Variants in CAMKK1 observed in about 807,000 individuals in gnomAD.
CAMKK1 encodes calcium/calmodulin-dependent protein kinase kinase 1.
Under a neutral mutation model 63.5 loss-of-function variants are expected in CAMKK1, and 20 were observed. That is an observed-to-expected ratio of 0.32 (90% CI 0.22 to 0.46). The LOEUF is 0.46. Among genes scored for constraint, CAMKK1 ranks in the 20% least tolerant of loss-of-function variants. The pLI, the probability that CAMKK1 is intolerant of heterozygous loss-of-function variation, is 1.00. For missense variants in CAMKK1, 588 were observed against 658.1 expected (o/e 0.89, Z 1.17); for synonymous variants, 253 against 269.0 (o/e 0.94, Z 0.58).
At chr17:3,869,684 C>T (rs2054753373) in intron 13 of CAMKK1, 69 bp from the exon 14 acceptor site, 2 of 1,609,918 alleles carry the variant, frequency 1.2e-6, no homozygotes, top group Admixed American at 3.3e-5. Context: ...TGGAGGGGTC[C>T]AAAGTCCACA....
chr17:3,867,310 C>T (rs1011733512), intron 14 of CAMKK1, among the ~76,000 whole-genome samples: 9 of 152,158 alleles, frequency 5.9e-5, no homozygotes, highest in Non-Finnish European at 1.3e-4. Context: ...GCAGCCCCTT[C>T]CATGGCACGT....
chr17:3,872,694 C>G, intron 11 of CAMKK1, 67 bp from the exon 12 acceptor site: 2 of 1,416,690 alleles, frequency 1.4e-6, no homozygotes, highest in Non-Finnish European at 2.0e-6. Context: ...GGGATCAACC[C>G]CCCTCCCTTG....
Position 3,873,416 on chromosome 17 carries a change from T to C in CAMKK1, c.1043A>G (p.Tyr348Cys), listed in dbSNP as rs763702440. The C allele has an allele frequency of 4.3e-6, 7 of 1,613,912 alleles. No individual in the cohort carries two copies. Among genetic ancestry groups the C allele is most frequent in the South Asian group, 2.2e-5 (2 of 91,078 alleles). Residue 348 changes from tyrosine to cysteine, a missense_variant, in exon 11 of 16, where the codon TAT becomes TGT. Transcript: ENST00000348335. ...GGCATCCCTGGCACTCACCTTCCCA[T>C]AGACAAAGCAGTACAACGTGACGCC... ...ATGVTLYCFV[Y>C]GKCPFIDDFI... is the part of the protein sequence containing the mutation.
At chr17:3,863,957 T>TC (rs2054413380) in intron 15 of CAMKK1, among the ~76,000 whole-genome samples, 1 of 151,558 alleles carries the variant, frequency 6.6e-6, no homozygotes, top group African/African-American at 2.4e-5. Flanking sequence ...TACTTTTTTT[T>TC]CTTTTTTTTT....
rs748858266 is a variant in CAMKK1, at chr17:3,880,365, G to T, written c.777C>A (p.Val259=). 6.2e-7 allele frequency: 1 copy of T among 1,614,032 alleles called. No homozygotes were observed. Among genetic ancestry groups the T allele is most frequent in the South Asian group, 1.1e-5 (1 of 91,066 alleles). ...ACTCACAGTACTCGAGGCCCAGGAT[G>T]ACGTCCCGCAGGTAGAGGCGAGCTT... ...EEQARLYLRD[V]ILGLEYLHCQ... The change falls in exon 9 of 16, where the codon GTC becomes GTA. Residue 259 remains valine (V), a synonymous_variant. Coordinates refer to ENST00000348335, the MANE Select transcript of CAMKK1 (RefSeq NM_032294.3).
Position 3,882,678 on chromosome 17 carries a change from A to C in CAMKK1, c.649-114T>G. ...CCCTTAGTATGCATGCAACCACCCC[A>C]GACAAGGAAGCAGGAAGTGTACAGG... On this transcript the variant is annotated intron_variant, in intron 6 of 15. Coordinates refer to ENST00000348335, the MANE Select transcript of CAMKK1 (RefSeq NM_032294.3). This position sits in a 1 kb window ranked among gnomAD's most constrained non-coding sequence, Gnocchi z 4.3. 7.0e-6 allele frequency: 7 copies of C among 1,000,550 alleles called. No individual in the cohort carries two copies. Among genetic ancestry groups the C allele is most frequent in the Non-Finnish European group, 1.1e-5 (7 of 655,052 alleles). 62.0% of individuals were successfully genotyped at this position (1,000,550 alleles called of 1,614,324 possible). A position where few individuals can be genotyped will look rare whatever the true frequency, so the allele number is the denominator to read the frequency against.
At chr17:3,870,848 A>C (rs1023050780) in intron 12 of CAMKK1, among the ~76,000 whole-genome samples, 2 of 151,986 alleles carry the variant, frequency 1.3e-5, no homozygotes, top group African/African-American at 4.8e-5. Flanking sequence ...GCAGGAAGAG[A>C]GGCACCAGGG....
chr17:3,877,139 T>C (rs542512671), intron 9 of CAMKK1, among the ~76,000 whole-genome samples: 69 of 152,154 alleles, frequency 4.5e-4, no homozygotes, highest in African/African-American at 1.6e-3. Flanking sequence ...AAAACCTTTC[T>C]CCAGTTCCAT....
Position 3,883,798 on chromosome 17 carries a change from C to A in CAMKK1, c.462+86G>T. 7.2e-7 allele frequency: 1 copy of A among 1,382,964 alleles called. No homozygotes were observed. Among genetic ancestry groups the A allele is most frequent in the South Asian group, 1.2e-5 (1 of 86,258 alleles). 85.7% of individuals were successfully genotyped at this position (1,382,964 alleles called of 1,614,324 possible). On this transcript the variant is annotated intron_variant, in intron 4 of 15. Transcript: ENST00000348335. This position sits in a 1 kb window ranked among gnomAD's most constrained non-coding sequence, Gnocchi z 4.7. ...GCTCACTCTCAGGCAGCCCTGTCCTCTATCTCCTAAGCACAACTCCTGCCC... is the reference window on the plus strand; with the variant it reads ...GCTCACTCTCAGGCAGCCCTGTCCTATATCTCCTAAGCACAACTCCTGCCC...
chr17:3,876,112 C>T (rs1312184627), intron 10 of CAMKK1, 111 bp downstream of exon 10: 2 of 1,018,264 alleles, frequency 2.0e-6, no homozygotes, highest in African/African-American at 1.6e-5. Context: ...GCAAATATGT[C>T]ACTCCCTAGA....
rs1442537370 is a variant in CAMKK1 at position 3,892,019 on chromosome 17, G to A, written c.-44+920C>T. ...GACGCAGTGGGGGGTCAATTTGTAT[G>A]TACTGGAGGAAAGAGGGCAGGGCTT... is the stretch of plus-strand genomic sequence containing the variant. On this transcript the variant is annotated intron_variant, in intron 1 of 15. Coordinates refer to ENST00000348335, the MANE Select transcript of CAMKK1 (RefSeq NM_032294.3). The surrounding 1 kb of genome is among the most constrained non-coding windows in gnomAD (Gnocchi z 7.5). 6.6e-6 allele frequency among the ~76,000 whole-genome samples: 1 copy of A among 152,112 alleles called. No homozygotes were observed. Among genetic ancestry groups the A allele is most frequent in the East Asian group, 1.9e-4 (1 of 5,178 alleles).
Position 3,883,737 on chromosome 17 carries a change from G to C in CAMKK1, c.462+147C>G. ...TCTGCTTGCATATCCCCAGGGTTAG[G>C]AAGCTCATTCCTTTGCATACCCCTA... is the stretch of plus-strand genomic sequence containing the variant. On this transcript the variant is annotated intron_variant, in intron 4 of 15. Transcript: ENST00000348335. This position sits in a 1 kb window ranked among gnomAD's most constrained non-coding sequence, Gnocchi z 4.7. 1.3e-6 allele frequency: 1 copy of C among 782,326 alleles called. No homozygotes were observed. Among genetic ancestry groups the C allele is most frequent in the Non-Finnish European group, 2.2e-6 (1 of 460,972 alleles). The allele number at this position is 782,326 out of a possible 1,614,324, so 48.5% of individuals were successfully genotyped here. A position where few individuals can be genotyped will look rare whatever the true frequency, so the allele number is the denominator to read the frequency against.
chr17:3,889,291 G>A lies in CAMKK1; in HGVS notation c.-43-3561C>T, dbSNP rs1226315494. On this transcript the variant is annotated intron_variant, in intron 1 of 15. Coordinates refer to ENST00000348335, the MANE Select transcript of CAMKK1 (RefSeq NM_032294.3). The surrounding 1 kb of genome is among the most constrained non-coding windows in gnomAD (Gnocchi z 5.2). ...GAAACTTAATTCGGTGGATAACTAG[G>A]GCCATGTGGGCAAACAGAAAGATGG... Among the ~76,000 whole-genome samples, 1 of 152,026 alleles carries A rather than the reference G, an allele frequency of 6.6e-6. No individual in the cohort carries two copies. The highest frequency in any genetic ancestry group is 2.4e-5 in the African/African-American group (1 of 41,372).
At chr17:3,886,866 A>AC (rs751111581) in intron 1 of CAMKK1, among the ~76,000 whole-genome samples, 13 of 152,038 alleles carry the variant, frequency 8.6e-5, no homozygotes, top group Non-Finnish European at 1.5e-4. Context: ...GGCCATGCCC[A>AC]ACCTGATGCC....
At chr17:3,872,800 T>A (rs1173992860) in intron 11 of CAMKK1, among the ~76,000 whole-genome samples, 173 bp from the exon 12 acceptor site, 2 of 152,136 alleles carry the variant, frequency 1.3e-5, no homozygotes, top group East Asian at 3.9e-4. Context: ...ACTGAATGAA[T>A]GAGTTGCTGA....
intron 12 of CAMKK1, among the ~76,000 whole-genome samples, chr17:3,871,343 T>TTG (rs2054847462): frequency 1.2e-5 from 1 of 84,090 alleles, no homozygotes; most frequent in African/African-American, 6.3e-5. Context: ...GTTTTTTTTT[T>TTG]TTTGTTTTTT....
At chr17:3,866,425 C>T (rs1042105068) in intron 14 of CAMKK1, among the ~76,000 whole-genome samples, 3 of 152,392 alleles carry the variant, frequency 2.0e-5, no homozygotes, top group East Asian at 3.9e-4. Flanking sequence ...GCCCGGGAAG[C>T]GGCTGAGCCG....
At chr17:3,881,920 A>G in intron 7 of CAMKK1, 1 of 543,020 alleles carries the variant, frequency 1.8e-6, no homozygotes, top group Non-Finnish European at 3.3e-6. Flanking sequence ...GGCACAGAGA[A>G]GGGGCAGAAA....
Position 3,869,800 on chromosome 17 carries a change from C to A in CAMKK1, c.1212+1G>T, listed in dbSNP as rs1171762632. 6.2e-7 allele frequency: 1 copy of A among 1,613,988 alleles called. No homozygotes were observed. Among genetic ancestry groups the A allele is most frequent in the Non-Finnish European group, 8.5e-7 (1 of 1,179,940 alleles). On this transcript the variant is annotated splice_donor_variant, in intron 13 of 15. Transcript: ENST00000348335. LOFTEE classifies it high-confidence loss of function. ...CAGCCCAAGACCCCCAGTTCCCCGA[C>A]CTTGATGTCTGGCACCCCAATTCTC...
Sources: gnomAD v4.1 joint callset for allele counts (sites outside exome capture counted in the v4.1 genomes callset) on GRCh38, gnomAD v4.1.1 for gene constraint, Gnocchi (gnomAD v3.1) non-coding constraint, MANE v1.5 for transcripts, NCBI Gene and HGNC (gene_info 2026-07-23, HGNC 2026-07-21) for gene names.